Variants in GLO1 observed in about 807,000 individuals in gnomAD.
The protein encoded by GLO1 is glyoxalase I.
In GLO1, 28 loss-of-function variants were observed where a neutral mutation model predicts 26.0. The observed-to-expected ratio is 1.08, with a 90% CI of 0.80 to 1.48. The LOEUF (loss-of-function observed/expected upper bound fraction) is 1.48, where lower values mean the gene tolerates loss of function less well. GLO1 is among the 40% of genes most tolerant of loss of function. The pLI, the probability that GLO1 is intolerant of heterozygous loss-of-function variation, is 0.00. For synonymous variants in GLO1, 78 were observed against 77.6 expected, an observed-to-expected ratio of 1.00 and a Z score of -0.03; for missense variants, 225 against 224.8, an observed-to-expected ratio of 1.00 and a Z score of -0.01.
chr6:38,677,294 A>T lies in GLO1; in HGVS notation c.*1T>A. The T allele has an allele frequency of 7.5e-7, 1 of 1,335,444 alleles. No individual in the cohort carries two copies. The highest frequency in any genetic ancestry group is 1.1e-6 in the Non-Finnish European group (1 of 925,996). The allele number at this position is 1,335,444 out of a possible 1,614,324, so 82.7% of individuals were successfully genotyped here. A position where few individuals can be genotyped will look rare whatever the true frequency, so the allele number is the denominator to read the frequency against. ...AATCTCAAAGGAGAATTCTCACAGC[A>T]CTACATTAAGGTTGCCATTTTGTTA... On this transcript the variant is annotated 3_prime_UTR_variant, in exon 6 of 6. Transcript: ENST00000373365.
Position 38,703,145 on chromosome 6 carries a change from T to C in GLO1, c.-91A>G, listed in dbSNP as rs1349376912. On this transcript the variant is annotated 5_prime_UTR_variant, in exon 1 of 6. Transcript: ENST00000373365. ...GGCCCTGTGCCGCCTTAACTAGGAA[T>C]GGCGCGATGGCGCCGCGGGCGGGAG... The C allele has an allele frequency of 5.3e-6, 4 of 756,750 alleles. No individual in the cohort carries two copies. In the African/African-American group the frequency reaches 7.4e-5, roughly 14 times the overall value. The allele number at this position is 756,750 out of a possible 1,614,324, so 46.9% of individuals were successfully genotyped here.
At chr6:38,693,685 C>CTCTCTCTCTCTCTCTCTCTATATA (rs869232489) in intron 1 of GLO1, among the ~76,000 whole-genome samples, 1 of 86,438 alleles carries the variant, frequency 1.2e-5, no homozygotes, top group Non-Finnish European at 2.4e-5. Flanking sequence ...CTCTCTCTCT[C>CTCTCTCTCTCTCTCTCTCTATATA]TATATATATA....
At chr6:38,693,685 C>CTCTCTCTCTCTCTCTCTATA (rs869232489) in intron 1 of GLO1, among the ~76,000 whole-genome samples, 133 of 86,368 alleles carry the variant, frequency 1.5e-3, no homozygotes, top group Non-Finnish European at 2.3e-3. Flanking sequence ...CTCTCTCTCT[C>CTCTCTCTCTCTCTCTCTATA]TATATATATA....
chr6:38,691,783 A>G (rs1761535624), intron 1 of GLO1, among the ~76,000 whole-genome samples: 1 of 151,866 alleles, frequency 6.6e-6, no homozygotes. Flanking sequence ...AATTGAGTAG[A>G]GCTTCATTTT....
At chr6:38,702,421 A>G (rs1040246725) in intron 1 of GLO1, among the ~76,000 whole-genome samples, 2 of 152,216 alleles carry the variant, frequency 1.3e-5, no homozygotes, top group Non-Finnish European at 2.9e-5. Flanking sequence ...AAACTCTATG[A>G]TTCTGTAATC....
Position 38,689,485 on chromosome 6 carries a change from C to A in GLO1, c.85-2511G>T, listed in dbSNP as rs187321922. 1.2e-3 allele frequency among the ~76,000 whole-genome samples: 179 copies of A among 152,312 alleles called. 1 individual carries two copies. Among genetic ancestry groups the A allele is most frequent in the Admixed American group, 0.012 (177 of 15,302 alleles). ...ATTACTTCTGTTCACACTATACAGG[C>A]TATACTCAAATCCATATATCTTAGG... On this transcript the variant is annotated intron_variant, in intron 1 of 5. Transcript: ENST00000373365.
At chr6:38,679,688 A>G (rs1283421027) in intron 5 of GLO1, among the ~76,000 whole-genome samples, 2 of 152,008 alleles carry the variant, frequency 1.3e-5, no homozygotes, top group African/African-American at 4.8e-5. Flanking sequence ...CCAGCTACTC[A>G]GGAGGCTGAG....
intron 1 of GLO1, among the ~76,000 whole-genome samples, chr6:38,700,453 T>C (rs983044773): frequency 3.3e-5 from 5 of 152,236 alleles, no homozygotes; most frequent in Non-Finnish European, 7.3e-5. Flanking sequence ...ATGCTCCTTC[T>C]ACAAACTGAG....
intron 2 of GLO1, among the ~76,000 whole-genome samples, chr6:38,685,324 G>C (rs1761447372): frequency 6.6e-6 from 1 of 152,202 alleles, no homozygotes; most frequent in African/African-American, 2.4e-5. Flanking sequence ...TGATGGGAGA[G>C]AGAGTGAATG....
chr6:38,702,851 C>A, intron 1 of GLO1, 120 bp downstream of exon 1: 1 of 627,448 alleles, frequency 1.6e-6, no homozygotes, highest in Non-Finnish European at 2.8e-6. Context: ...CTTCCCATCA[C>A]ACTCCCGTCC....
At position 38,702,998 on chromosome 6, in the gene GLO1, G is replaced by C; in HGVS notation, c.57C>G (p.Cys19Trp). 1 of 1,581,152 alleles carries C rather than the reference G, an allele frequency of 6.3e-7. No individual in the cohort carries two copies. The highest frequency in any genetic ancestry group is 8.6e-7 in the Non-Finnish European group (1 of 1,156,192). ...TGGTACTGGGGTCCGCGTCGGAGCA[G>C]CAACTGAGGGCGGCCTCGTCCGTGA... is the stretch of plus-strand genomic sequence containing the variant. ...GGLTDEAALSCCSDADPSTKD... is the reference protein window; with the variant it reads ...GGLTDEAALSWCSDADPSTKD... Residue 19 changes from cysteine to tryptophan, a missense_variant, in exon 1 of 6, where the codon TGC (cysteine) becomes TGG (tryptophan). Coordinates refer to ENST00000373365, the MANE Select transcript of GLO1 (RefSeq NM_006708.3).
At chr6:38,696,980 A>C (rs1327309470) in intron 1 of GLO1, among the ~76,000 whole-genome samples, 1 of 148,030 alleles carries the variant, frequency 6.8e-6, no homozygotes, top group African/African-American at 2.5e-5. Context: ...GTGCAATGGC[A>C]CGATCTCGGC....
chr6:38,701,155 G>A (rs1761692875), intron 1 of GLO1, among the ~76,000 whole-genome samples: 1 of 147,702 alleles, frequency 6.8e-6, no homozygotes, highest in African/African-American at 2.7e-5. Context: ...AAGCAGAACA[G>A]GGTGGAGGTT....
intron 1 of GLO1, among the ~76,000 whole-genome samples, chr6:38,698,771 C>A (rs1021380765): frequency 2.7e-5 from 4 of 148,696 alleles, no homozygotes; most frequent in African/African-American, 9.9e-5. Flanking sequence ...GCCATACATT[C>A]TCTGGACTTC....
At chr6:38,691,906 T>C (rs758733155) in intron 1 of GLO1, among the ~76,000 whole-genome samples, 35 of 152,182 alleles carry the variant, frequency 2.3e-4, no homozygotes, top group Non-Finnish European at 3.5e-4. Flanking sequence ...TGTGGGTATA[T>C]TTTGGGGTTC....
chr6:38,677,318 T>C lies in GLO1; in HGVS notation c.532A>G (p.Asn178Asp). ...DGYWIEILNPNKMATLM is the reference protein window; with the variant it reads ...DGYWIEILNPDKMATLM ...CACTACATTAAGGTTGCCATTTTGTTAGGATTCAAAATTTCAATCCAGTAG... is the reference window on the plus strand; with the variant it reads ...CACTACATTAAGGTTGCCATTTTGTCAGGATTCAAAATTTCAATCCAGTAG... Residue 178 changes from asparagine to aspartate, a missense_variant, in exon 6 of 6, where the codon AAC becomes GAC. Physicochemically the swap from Asn to Asp is conservative, Grantham distance 23. Transcript: ENST00000373365. 6.5e-7 allele frequency: 1 copy of C among 1,528,416 alleles called. No individual in the cohort carries two copies. Among genetic ancestry groups the C allele is most frequent in the Non-Finnish European group, 9.1e-7 (1 of 1,101,822 alleles). The allele number at this position is 1,528,416 out of a possible 1,614,324, so 94.7% of individuals were successfully genotyped here.
intron 1 of GLO1, among the ~76,000 whole-genome samples, chr6:38,692,231 G>C (rs1761541915): frequency 6.6e-6 from 1 of 152,040 alleles, no homozygotes; most frequent in Non-Finnish European, 1.5e-5. Context: ...CGCCATTGCT[G>C]TTTTCAGCAT....
intron 1 of GLO1, among the ~76,000 whole-genome samples, chr6:38,695,348 T>G (rs1001805845): frequency 3.3e-5 from 5 of 152,112 alleles, no homozygotes; most frequent in Admixed American, 3.3e-4. Flanking sequence ...TATACAGACA[T>G]ACATGTATAT....
rs1761433960 is a variant in GLO1, at chr6:38,684,500, C to T, written c.182G>A (p.Cys61Tyr). 3 of 1,544,818 alleles carry T rather than the reference C, an allele frequency of 1.9e-6. No individual in the cohort carries two copies. Among genetic ancestry groups the T allele is most frequent in the South Asian group, 2.5e-5 (2 of 80,160 alleles). The change falls in exon 3 of 6, where the codon TGT (cysteine) becomes TAT (tyrosine). Residue 61 changes from cysteine to tyrosine, a missense_variant. By Grantham distance (194) the Cys-to-Tyr change is radical. Coordinates refer to ENST00000373365, the MANE Select transcript of GLO1 (RefSeq NM_006708.3). ...RVLGMTLIQK[C>Y]DFPIMKFSLY... ...TGAAAACTTCATAATGGGAAAATCA[C>T]ATTTTTGGATTAGCCTGCAATGAAA...
Sources: gnomAD v4.1 joint callset for allele counts (sites outside exome capture counted in the v4.1 genomes callset) on GRCh38, gnomAD v4.1.1 for gene constraint, MANE v1.5 for transcripts, NCBI Gene and HGNC (gene_info 2026-07-23, HGNC 2026-07-21) for gene names.